DUSP19: variants seen among roughly 807,000 people sequenced by gnomAD.
DUSP19 encodes dual specificity phosphatase 19.
In DUSP19, 14 loss-of-function variants were observed where a neutral mutation model predicts 16.6. The observed-to-expected ratio is 0.84, with a 90% CI of 0.56 to 1.32. The LOEUF (loss-of-function observed/expected upper bound fraction) is 1.32. Ranked by LOEUF, DUSP19 falls within the 40% of genes most tolerant of loss-of-function variation. The pLI is 0.00. For missense variants in DUSP19, 258 were observed against 255.9 expected (o/e 1.01, Z -0.06); for synonymous variants, 81 against 90.5 (o/e 0.90, Z 0.59).
chr2:183,087,227 C>T, intron 3 of DUSP19, 35 bp downstream of exon 3: 1 of 1,582,012 alleles, frequency 6.3e-7, no homozygotes, highest in Non-Finnish European at 8.6e-7. Context: ...TCTGCAGAAG[C>T]AGAAATTTGA....
chr2:183,079,973 C>CTAG (rs1292777731), intron 1 of DUSP19, among the ~76,000 whole-genome samples: 1 of 152,180 alleles, frequency 6.6e-6, no homozygotes, highest in African/African-American at 2.4e-5. Context: ...TGCTGTTCAC[C>CTAG]TAGTGTCTTA....
chr2:183,087,101 A>G lies in DUSP19; in HGVS notation c.335A>G (p.Tyr112Cys), dbSNP rs767610377. 2.5e-6 allele frequency: 4 copies of G among 1,613,192 alleles called. No homozygotes were observed. The highest frequency in any genetic ancestry group is 3.4e-6 in the Non-Finnish European group (4 of 1,179,830). ...AATGCTTTCCTCAGTGACTTTACAT[A>G]TAAGAGCATTTCTATATTGGATCTG... is the stretch of plus-strand genomic sequence containing the variant. ...VENAFLSDFT[Y>C]KSISILDLPE... is the part of the protein sequence containing the mutation. The change falls in exon 3 of 4, where the codon TAT becomes TGT. Residue 112 changes from tyrosine to cysteine, a missense_variant. Transcript: ENST00000354221.
chr2:183,081,058 T>G (rs547726760), intron 1 of DUSP19, among the ~76,000 whole-genome samples: 17 of 152,200 alleles, frequency 1.1e-4, no homozygotes, highest in Admixed American at 2.6e-4. Flanking sequence ...CAACTTTTGG[T>G]TTGGGTGATG....
At chr2:183,085,167 T>A (rs938627656) in intron 2 of DUSP19, among the ~76,000 whole-genome samples, 2 of 152,212 alleles carry the variant, frequency 1.3e-5, no homozygotes, top group Non-Finnish European at 2.9e-5. Context: ...AATCTTCAGC[T>A]TTTAAGTAGT....
At chr2:183,082,786 C>G (rs1198748387) in intron 1 of DUSP19, among the ~76,000 whole-genome samples, 2 of 151,968 alleles carry the variant, frequency 1.3e-5, no homozygotes, top group Non-Finnish European at 2.9e-5. Flanking sequence ...TTCTCTCTCT[C>G]TCCCTCTCTT....
chr2:183,095,440 G>A lies in DUSP19; in HGVS notation c.436G>A (p.Val146Ile), dbSNP rs1480650081. Residue 146 changes from valine (V) to isoleucine (I), a missense_variant, in exon 4 of 4, where the codon GTT becomes ATT. Coordinates refer to ENST00000354221, the MANE Select transcript of DUSP19 (RefSeq NM_080876.4). ...IEEAKRKDGV[V>I]LVHCNAGVSR... ...GTTTTTTTTTTTGTAGGATGGAGTG[G>A]TTCTTGTTCATTGTAATGCAGGCGT... The A allele has an allele frequency of 3.1e-6, 5 of 1,608,616 alleles. No individual in the cohort carries two copies. In the African/African-American group the frequency reaches 6.7e-5, roughly 22 times the overall value.
rs993952688 is a variant in DUSP19, at chr2:183,092,443, C to CT, written c.427-2987dup. Among the ~76,000 whole-genome samples the CT allele has an allele frequency of 5.8e-4, 88 of 152,244 alleles. 1 individual carries two copies. Among genetic ancestry groups the CT allele is most frequent in the African/African-American group, 2.1e-3 (86 of 41,528 alleles). ...GTTTGTGTTGTTCCGCTCCATGTGT[C>CT]TATGTGTTCACGTTGTTCAGCTTCC... On this transcript the variant is annotated intron_variant, in intron 3 of 3. Transcript: ENST00000354221.
Position 183,078,807 on chromosome 2 carries a change from C to CG in DUSP19, c.-125dup, listed in dbSNP as rs369275473. ...TCAGTCTCTTGGTCTGTGGCTGCTG[C>CG]GGTTACCTGGATGGGCGAGCACCTC... On this transcript the variant is annotated 5_prime_UTR_variant, in exon 1 of 4. Coordinates refer to ENST00000354221, the MANE Select transcript of DUSP19 (RefSeq NM_080876.4). The CG allele has an allele frequency of 1.3e-6, 1 of 778,738 alleles. No individual in the cohort carries two copies. The highest frequency in any genetic ancestry group is 2.0e-6 in the Non-Finnish European group (1 of 487,934). 48.2% of individuals were successfully genotyped at this position (778,738 alleles called of 1,614,324 possible). A position where few individuals can be genotyped will look rare whatever the true frequency, so the allele number is the denominator to read the frequency against.
chr2:183,080,157 C>T (rs1231061053), intron 1 of DUSP19, among the ~76,000 whole-genome samples: 1 of 152,176 alleles, frequency 6.6e-6, no homozygotes, highest in African/African-American at 2.4e-5. Flanking sequence ...ACTAGGCTGC[C>T]TCACATAGAC....
rs1026418090 is a variant in DUSP19 at position 183,098,670 on chromosome 2, A to C, written c.*3012A>C. 5 of 152,226 alleles carry C rather than the reference A, an allele frequency of 3.3e-5. No homozygotes were observed. Among genetic ancestry groups the C allele is most frequent in the Non-Finnish European group, 5.9e-5 (4 of 68,022 alleles). The allele number at this position is 152,226 out of a possible 1,614,324, so 9.4% of individuals were successfully genotyped here. Reference sequence around the variant, plus strand: ...AACAGCATGTCTTTTTAAACATTGAAAAGAAATATGGAGGCTTTAAACCGC... The same window carrying C: ...AACAGCATGTCTTTTTAAACATTGACAAGAAATATGGAGGCTTTAAACCGC... On this transcript the variant is annotated 3_prime_UTR_variant, in exon 4 of 4. Coordinates refer to ENST00000354221, the MANE Select transcript of DUSP19 (RefSeq NM_080876.4).
rs10200193 is a variant in DUSP19, at chr2:183,096,351, C to T, written c.*693C>T. ...TCCCGGGTTCAAGCGATTCTCCTGC[C>T]CCAGCCTCCCATATAGCTGGGATTA... On this transcript the variant is annotated 3_prime_UTR_variant, in exon 4 of 4. Coordinates refer to ENST00000354221, the MANE Select transcript of DUSP19 (RefSeq NM_080876.4). 81,608 of 151,396 alleles carry T rather than the reference C, an allele frequency of 0.54. 24,811 individuals are homozygous for T. The highest frequency in any genetic ancestry group is 0.9 in the East Asian group (4,615 of 5,150). The allele number at this position is 151,396 out of a possible 1,614,324, so 9.4% of individuals were successfully genotyped here.
At chr2:183,088,720 G>A (rs982049063) in intron 3 of DUSP19, among the ~76,000 whole-genome samples, 1 of 152,132 alleles carries the variant, frequency 6.6e-6, no homozygotes, top group Admixed American at 6.5e-5. Context: ...ACTGCACCTG[G>A]CCAAGGGAGA....
rs71008261 is a variant in DUSP19 at position 183,085,847 on chromosome 2, G to GTTTTTT, written c.274-1162_274-1157dup. ...GTACAGATGTGGACAAGGTTGTTAGGTTTTTTTTTTTTTTTTTTTTTTTTT... is the reference window on the plus strand; with the variant it reads ...GTACAGATGTGGACAAGGTTGTTAGGTTTTTTTTTTTTTTTTTTTTTTTTTTTTTTT... On this transcript the variant is annotated intron_variant, in intron 2 of 3. Coordinates refer to ENST00000354221, the MANE Select transcript of DUSP19 (RefSeq NM_080876.4). 4.7e-4 allele frequency among the ~76,000 whole-genome samples: 24 copies of GTTTTTT among 50,922 alleles called. 6 individuals carry two copies. Among genetic ancestry groups the GTTTTTT allele is most frequent in the Admixed American group, 1.8e-3 (5 of 2,734 alleles). The allele number at this position is 50,922 out of a possible 152,430, so 33.4% of individuals were successfully genotyped here.
In DUSP19 at chr2:183,078,875, C is replaced by A; in HGVS notation, c.-59C>A. 6.6e-7 allele frequency: 1 copy of A among 1,513,372 alleles called. No homozygotes were observed. The highest frequency in any genetic ancestry group is 1.8e-5 in the Admixed American group (1 of 56,080). 93.7% of individuals were successfully genotyped at this position (1,513,372 alleles called of 1,614,324 possible). ...CCTGGGCAATAAGGGACTAGCAGTT[C>A]AGCCGTTTTCTATGCCTGCTGGATT... On this transcript the variant is annotated 5_prime_UTR_variant, in exon 1 of 4. Coordinates refer to ENST00000354221, the MANE Select transcript of DUSP19 (RefSeq NM_080876.4).
rs1699783255 is a variant in DUSP19 at position 183,095,304 on chromosome 2, T to C, written c.427-127T>C. ...ATTTTATTTCAATAATCAAATAAATTGAATCAAATAAATCAATAAAACTGA... is the reference window on the plus strand; with the variant it reads ...ATTTTATTTCAATAATCAAATAAATCGAATCAAATAAATCAATAAAACTGA... On this transcript the variant is annotated intron_variant, in intron 3 of 3. Coordinates refer to ENST00000354221, the MANE Select transcript of DUSP19 (RefSeq NM_080876.4). 4 of 779,722 alleles carry C rather than the reference T, an allele frequency of 5.1e-6. No homozygotes were observed. In the African/African-American group the frequency reaches 5.3e-5, roughly 10 times the overall value. 48.3% of individuals were successfully genotyped at this position (779,722 alleles called of 1,614,324 possible). A position where few individuals can be genotyped will look rare whatever the true frequency, so the allele number is the denominator to read the frequency against.
At chr2:183,087,331 C>T (rs1183004536) in intron 3 of DUSP19, 139 bp downstream of exon 3, 115 of 914,936 alleles carry the variant, frequency 1.3e-4, no homozygotes, top group Non-Finnish European at 3.3e-5. Context: ...TTCATTATTT[C>T]CTACAATTAT....
chr2:183,080,684 A>G (rs1311434648), intron 1 of DUSP19, among the ~76,000 whole-genome samples: 1 of 152,196 alleles, frequency 6.6e-6, no homozygotes, highest in Non-Finnish European at 1.5e-5. Flanking sequence ...GACTTACCCA[A>G]AGTGAACTGA....
At chr2:183,088,410 G>GTTTTTTTTTTTTTTTTTTTTTGT (rs71008263) in intron 3 of DUSP19, among the ~76,000 whole-genome samples, 1 of 118,616 alleles carries the variant, frequency 8.4e-6, no homozygotes. Flanking sequence ...TTTTTTTTTT[G>GTTTTTTTTTTTTTTTTTTTTTGT]TTTTTTTTTT....
chr2:183,086,979 T>C, intron 2 of DUSP19, 61 bp from the exon 3 acceptor site: 2 of 1,525,760 alleles, frequency 1.3e-6, no homozygotes, highest in Non-Finnish European at 1.8e-6. Flanking sequence ...CACCCCAGTC[T>C]CTTTTTAGGT....
Sources: allele counts gnomAD v4.1 joint callset (sites outside exome capture counted in the v4.1 genomes callset), GRCh38; gene constraint gnomAD v4.1.1; transcripts MANE v1.5; gene names NCBI Gene and HGNC (gene_info 2026-07-23, HGNC 2026-07-21).